The following HPSE2 variants were observed in gnomAD, a reference collection of about 807,000 sequenced individuals.
HPSE2 encodes the protein inactive heparanase-2.
Under a neutral mutation model 60.5 loss-of-function variants are expected in HPSE2, and 38 were observed. The observed-to-expected ratio is 0.63, with a 90% CI of 0.48 to 0.82. The LOEUF (loss-of-function observed/expected upper bound fraction) is 0.82. Ranked by LOEUF, HPSE2 falls within the 40% of genes least tolerant of loss-of-function variation. HPSE2 has a pLI of 0.00. For synonymous variants in HPSE2, 295 were observed against 293.2 expected (o/e 1.01, Z -0.06); for missense variants, 713 against 740.4 (o/e 0.96, Z 0.43).
At chr10:99,132,341 G>T (rs1260164458) in intron 3 of HPSE2, among the ~76,000 whole-genome samples, 1 of 151,932 alleles carries the variant, frequency 6.6e-6, no homozygotes, top group Non-Finnish European at 1.5e-5. Flanking sequence ...AAAAACTATT[G>T]AAGTAAAATT....
At chr10:99,256,395 A>T in the HPSE2 span, among the ~76,000 whole-genome samples, 1 of 1,588 alleles carries the variant, frequency 6.3e-4, no homozygotes, top group African/African-American at 2.0e-3. Context: ...CCCCTACAAG[A>T]TGACTCACCA....
In HPSE2 at chr10:98,960,735, ATTTTATTT is replaced by A. The variant is rs1564692843; in HGVS notation, c.610+183495_610+183502del. Among the ~76,000 whole-genome samples the A allele has an allele frequency of 2.0e-3, 99 of 48,382 alleles. 1 individual carries two copies. The highest frequency in any genetic ancestry group is 3.0e-3 in the Admixed American group (15 of 5,010). 31.7% of individuals were successfully genotyped at this position (48,382 alleles called of 152,430 possible). ...TTTTTTTTTTTGTTTTATTTTTTTT[ATTTTATTT>A]TTTTTTTTATTATACTCTAAGTTTT... On this transcript the variant is annotated intron_variant, in intron 3 of 11. Transcript: ENST00000370552.
intron 3 of HPSE2, among the ~76,000 whole-genome samples, chr10:99,080,177 C>T (rs964691008): frequency 1.4e-4 from 22 of 152,196 alleles, no homozygotes; most frequent in Admixed American, 1.2e-3. Flanking sequence ...CTAGAGCTTC[C>T]TATCCTTCAT....
chr10:98,466,543 G>A (rs1230840281), intron 11 of HPSE2, among the ~76,000 whole-genome samples: 10 of 151,482 alleles, frequency 6.6e-5, no homozygotes, highest in Non-Finnish European at 1.2e-4. Flanking sequence ...CTCGGGAGGT[G>A]GAGGTTGCAG....
intron 3 of HPSE2, among the ~76,000 whole-genome samples, chr10:98,983,115 A>AT (rs973340697): frequency 6.6e-6 from 1 of 152,148 alleles, no homozygotes; most frequent in Admixed American, 6.5e-5. Flanking sequence ...ATGGAAGACA[A>AT]TTTTTTCCAA....
chr10:98,622,024 ATTC>A (rs1213585782), intron 7 of HPSE2, among the ~76,000 whole-genome samples: 1 of 152,208 alleles, frequency 6.6e-6, no homozygotes, highest in African/African-American at 2.4e-5. Flanking sequence ...CACCAAAGAA[ATTC>A]TTCTTCAGGT....
In HPSE2 at chr10:99,104,347, A is replaced by G. The variant is rs560876590; in HGVS notation, c.610+39891T>C. Among the ~76,000 whole-genome samples the G allele has an allele frequency of 1.1e-4, 17 of 152,284 alleles. No homozygotes were observed. The South Asian group carries it at 3.5e-3, about 32-fold the overall frequency. Reference sequence around the variant, plus strand: ...AAGGATATGAATAGAAATGCAAATCAAAAACCACAATGAGACACCATCTCA... The same window carrying G: ...AAGGATATGAATAGAAATGCAAATCGAAAACCACAATGAGACACCATCTCA... On this transcript the variant is annotated intron_variant, in intron 3 of 11. Coordinates refer to ENST00000370552, the MANE Select transcript of HPSE2 (RefSeq NM_021828.5).
upstream of HPSE2, among the ~76,000 whole-genome samples, chr10:99,240,585 G>A (rs1350999981): frequency 6.6e-6 from 1 of 151,632 alleles, no homozygotes; most frequent in Non-Finnish European, 1.5e-5. Flanking sequence ...TAATTTTTTT[G>A]TATTTTTTAG....
At chr10:99,237,105 A>G (rs1849877980), upstream of HPSE2, among the ~76,000 whole-genome samples, 1 of 152,164 alleles carries the variant, frequency 6.6e-6, no homozygotes, top group African/African-American at 2.4e-5. Context: ...ACAGCTTGCA[A>G]ATTGAACTCT....
intron 1 of HPSE2, among the ~76,000 whole-genome samples, chr10:99,233,473 G>GT (rs1372792567): frequency 1.3e-5 from 2 of 152,176 alleles, no homozygotes; most frequent in African/African-American, 2.4e-5. Flanking sequence ...CCATCAATAG[G>GT]TTTTTTAAAA....
At chr10:98,576,206 G>A (rs1944635764) in intron 9 of HPSE2, among the ~76,000 whole-genome samples, 1 of 151,998 alleles carries the variant, frequency 6.6e-6, no homozygotes, top group Non-Finnish European at 1.5e-5. Context: ...AAGGTGTCAT[G>A]GAAGAGCACA....
intron 3 of HPSE2, among the ~76,000 whole-genome samples, chr10:98,848,780 C>A (rs1414784793): frequency 6.6e-6 from 1 of 152,142 alleles, no homozygotes; most frequent in East Asian, 1.9e-4. Flanking sequence ...AACTCAACCA[C>A]GATGAAAAAG....
intron 2 of HPSE2, among the ~76,000 whole-genome samples, chr10:99,204,121 G>C (rs555096985): frequency 6.6e-6 from 1 of 152,228 alleles, no homozygotes; most frequent in African/African-American, 2.4e-5. Flanking sequence ...CCACACCAGT[G>C]CCAGGTCCCC....
intron 3 of HPSE2, among the ~76,000 whole-genome samples, chr10:99,050,607 T>C (rs754679452): frequency 1.3e-5 from 2 of 152,114 alleles, no homozygotes; most frequent in South Asian, 4.1e-4. Flanking sequence ...TAAGTGTCTA[T>C]CAGCCTAAGT....
chr10:99,095,942 G>C lies in HPSE2; in HGVS notation c.610+48296C>G, dbSNP rs139524675. 5.8e-3 allele frequency among the ~76,000 whole-genome samples: 885 copies of C among 152,194 alleles called. 9 individuals carry two copies. The highest frequency in any genetic ancestry group is 0.02 in the African/African-American group (838 of 41,522). ...AGTACTTTCTTTGCTTGTATACAAT[G>C]GACGGTGGTCTTACCTTATGGTGAA... On this transcript the variant is annotated intron_variant, in intron 3 of 11. Coordinates refer to ENST00000370552, the MANE Select transcript of HPSE2 (RefSeq NM_021828.5).
intron 5 of HPSE2, among the ~76,000 whole-genome samples, chr10:98,717,811 C>A (rs1948829041): frequency 2.0e-5 from 3 of 152,028 alleles, no homozygotes; most frequent in Non-Finnish European, 4.4e-5. Context: ...AAGTGAGGTA[C>A]TACAAACCTT....
chr10:98,628,386 T>C (rs1278222537), intron 7 of HPSE2, among the ~76,000 whole-genome samples: 7 of 152,150 alleles, frequency 4.6e-5, no homozygotes, highest in Non-Finnish European at 1.0e-4. Flanking sequence ...AGGGCTATAG[T>C]TCAACACTGT....
At chr10:98,641,021 C>T (rs1946624110) in intron 7 of HPSE2, among the ~76,000 whole-genome samples, 1 of 152,264 alleles carries the variant, frequency 6.6e-6, no homozygotes, top group Non-Finnish European at 1.5e-5. Context: ...GCTGATAGCA[C>T]TTACATGCAA....
Position 99,050,729 on chromosome 10 carries a change from G to A in HPSE2, c.610+93509C>T, listed in dbSNP as rs1164859489. ...TTGGGACACCATGGGTGAACCTGGA[G>A]GTCATTAGTATAAATGAAATAAGCC... On this transcript the variant is annotated intron_variant, in intron 3 of 11. Transcript: ENST00000370552. Among the ~76,000 whole-genome samples, 4 of 152,030 alleles carry A rather than the reference G, an allele frequency of 2.6e-5. No individual in the cohort carries two copies. The East Asian group carries it at 7.7e-4, about 29-fold the overall frequency.
Sources: gnomAD v4.1 joint callset for allele counts (sites outside exome capture counted in the v4.1 genomes callset) on GRCh38, gnomAD v4.1.1 for gene constraint, MANE v1.5 for transcripts, NCBI Gene and HGNC (gene_info 2026-07-23, HGNC 2026-07-21) for gene names.